Variants in PLPPR5 observed in about 807,000 individuals in gnomAD.
The protein encoded by PLPPR5 is phospholipid phosphatase related 5.
In PLPPR5, 16 loss-of-function variants were observed where a neutral mutation model predicts 33.9. The ratio of observed to expected loss-of-function variants is 0.47; its 90% CI spans 0.32 to 0.72. The LOEUF (loss-of-function observed/expected upper bound fraction) is 0.72. Ranked by LOEUF, PLPPR5 falls within the 30% of genes least tolerant of loss-of-function variation. The probability of loss-of-function intolerance (pLI) is 0.03; values close to 1 mark genes in which losing one functional copy is unlikely to be tolerated. For synonymous variants in PLPPR5, 163 were observed against 150.3 expected, an observed-to-expected ratio of 1.08 and a Z score of -0.62; for missense variants, 301 against 406.7, an observed-to-expected ratio of 0.74 and a Z score of 2.23.
rs995293273 is a variant in PLPPR5, at chr1:98,891,544, A to G, written c.*1528T>C. 1 of 152,006 alleles carries G rather than the reference A, an allele frequency of 6.6e-6. No homozygotes were observed. The highest frequency in any genetic ancestry group is 1.9e-4 in the East Asian group (1 of 5,188). The allele number at this position is 152,006 out of a possible 1,614,324, so 9.4% of individuals were successfully genotyped here. A position where few individuals can be genotyped will look rare whatever the true frequency, so the allele number is the denominator to read the frequency against. On this transcript the variant is annotated 3_prime_UTR_variant, in exon 6 of 6. Transcript: ENST00000263177. ...ATTGTAATCTGGAATTCTACATGCT[A>G]AATGTAAGGTATGTCCCTTGGGCAC... is the stretch of plus-strand genomic sequence containing the variant.
Position 99,004,603 on chromosome 1 carries a change from C to A in PLPPR5, c.69G>T (p.Thr23=), listed in dbSNP as rs1425601698. The change falls in exon 1 of 6, where the codon ACG becomes ACT. Residue 23 remains threonine (T), a synonymous_variant. Transcript: ENST00000263177. ...ACTCGAAGTAGTACGCCAGCATCAC[C>A]GTCCCTGCCATGATCACCATCTGGA... ...LYFQMVIMAG[T]VMLAYYFEYT... 5 of 1,613,080 alleles carry A rather than the reference C, an allele frequency of 3.1e-6. No homozygotes were observed. The highest frequency in any genetic ancestry group is 4.2e-6 in the Non-Finnish European group (5 of 1,179,810).
chr1:98,993,806 A>G (rs1398072585), intron 1 of PLPPR5, among the ~76,000 whole-genome samples: 1 of 152,090 alleles, frequency 6.6e-6, no homozygotes, highest in Non-Finnish European at 1.5e-5. Context: ...TATGAAATGG[A>G]TATTAGAAAG....
chr1:98,901,499 G>A (rs1648693008), intron 5 of PLPPR5, among the ~76,000 whole-genome samples: 2 of 152,072 alleles, frequency 1.3e-5, no homozygotes, highest in Admixed American at 1.3e-4. Context: ...GACATAACAT[G>A]AAGTCTAAAG....
At chr1:98,894,958 A>AC (rs376776102) in intron 5 of PLPPR5, among the ~76,000 whole-genome samples, 24 of 152,204 alleles carry the variant, frequency 1.6e-4, no homozygotes, top group African/African-American at 5.3e-4. Context: ...CTGTAGGGTG[A>AC]CCATATAATT....
chr1:98,911,275 G>A (rs1649136515), intron 5 of PLPPR5, among the ~76,000 whole-genome samples: 1 of 152,174 alleles, frequency 6.6e-6, no homozygotes, highest in South Asian at 2.1e-4. Flanking sequence ...TAGTGAGTAA[G>A]GGGGAAACCA....
chr1:98,957,585 T>C (rs1467615865), intron 1 of PLPPR5, among the ~76,000 whole-genome samples: 1 of 152,076 alleles, frequency 6.6e-6, no homozygotes, highest in Non-Finnish European at 1.5e-5. Flanking sequence ...GATACACACA[T>C]ACTAATTTAA....
Position 98,959,887 on chromosome 1 carries a change from G to A in PLPPR5, c.238-3146C>T, listed in dbSNP as rs72730367. ...AAACAGAGAGTTGCTGTCATTAGAC[G>A]CCGATGTCAAATGCCTGTCCATCAC... On this transcript the variant is annotated intron_variant, in intron 1 of 5. Coordinates refer to ENST00000263177, the MANE Select transcript of PLPPR5 (RefSeq NM_001037317.2). Among the ~76,000 whole-genome samples the A allele has an allele frequency of 3.3e-5, 5 of 152,176 alleles. No homozygotes were observed. In the East Asian group the frequency reaches 7.7e-4, roughly 24 times the overall value.
At chr1:98,964,298 G>A (rs75112685) in intron 1 of PLPPR5, among the ~76,000 whole-genome samples, 433 of 152,298 alleles carry the variant, frequency 2.8e-3, no homozygotes, top group Non-Finnish European at 4.5e-3. Flanking sequence ...GATCGACTGA[G>A]AAGCAGCAGG....
At chr1:98,993,488 A>G (rs1652528839) in intron 1 of PLPPR5, among the ~76,000 whole-genome samples, 1 of 152,272 alleles carries the variant, frequency 6.6e-6, no homozygotes, top group African/African-American at 2.4e-5. Flanking sequence ...AGATTGTCAT[A>G]TAGTTTTGAC....
intron 1 of PLPPR5, among the ~76,000 whole-genome samples, chr1:98,980,624 G>A (rs1454308529): frequency 2.6e-5 from 4 of 151,970 alleles, no homozygotes; most frequent in Non-Finnish European, 2.9e-5. Context: ...GTGTTTTTCT[G>A]AAAGAACTGC....
chr1:98,892,831 C>A lies in PLPPR5; in HGVS notation c.*241G>T. Reference sequence around the variant, plus strand: ...ATTTGGTCATCACATTTTTGTTGAACACCTACTTTGTGCTAGGCTTTGTTG... The same window carrying A: ...ATTTGGTCATCACATTTTTGTTGAAAACCTACTTTGTGCTAGGCTTTGTTG... On this transcript the variant is annotated 3_prime_UTR_variant, in exon 6 of 6. Transcript: ENST00000263177. 2.6e-6 allele frequency: 1 copy of A among 383,860 alleles called. No homozygotes were observed. The allele number at this position is 383,860 out of a possible 1,614,324, so 23.8% of individuals were successfully genotyped here.
rs1305066543 is a variant in PLPPR5 at position 98,892,849 on chromosome 1, C to T, written c.*223G>A. 3 of 467,726 alleles carry T rather than the reference C, an allele frequency of 6.4e-6. No individual in the cohort carries two copies. The highest frequency in any genetic ancestry group is 2.1e-5 in the African/African-American group (1 of 48,582). The allele number at this position is 467,726 out of a possible 1,614,324, so 29.0% of individuals were successfully genotyped here. On this transcript the variant is annotated 3_prime_UTR_variant, in exon 6 of 6. Transcript: ENST00000263177. Reference sequence around the variant, plus strand: ...TGTTGAACACCTACTTTGTGCTAGGCTTTGTTGTAAGTGCTGGGGACACAG... The same window carrying T: ...TGTTGAACACCTACTTTGTGCTAGGTTTTGTTGTAAGTGCTGGGGACACAG...
intron 5 of PLPPR5, among the ~76,000 whole-genome samples, chr1:98,904,561 T>C (rs1232562835): frequency 6.6e-6 from 1 of 152,176 alleles, no homozygotes; most frequent in Admixed American, 6.6e-5. Context: ...TTTTTCTCTA[T>C]ATTTTCTATA....
chr1:98,997,135 T>C (rs966122305), intron 1 of PLPPR5, among the ~76,000 whole-genome samples: 2 of 152,106 alleles, frequency 1.3e-5, no homozygotes, highest in African/African-American at 2.4e-5. Flanking sequence ...ATAAAAATTA[T>C]TAGCATTTAT....
intron 2 of PLPPR5, among the ~76,000 whole-genome samples, chr1:98,954,795 A>T (rs1650941221): frequency 6.6e-6 from 1 of 152,056 alleles, no homozygotes; most frequent in Non-Finnish European, 1.5e-5. Context: ...GCTCAATAAA[A>T]CTTCTTCCAA....
At chr1:98,905,850 T>C (rs1169392566) in intron 5 of PLPPR5, among the ~76,000 whole-genome samples, 1 of 152,196 alleles carries the variant, frequency 6.6e-6, no homozygotes, top group Non-Finnish European at 1.5e-5. Flanking sequence ...GCATAGCTGA[T>C]ATTTTATGGT....
chr1:98,972,436 C>T (rs1055302799), intron 1 of PLPPR5, among the ~76,000 whole-genome samples: 1 of 152,026 alleles, frequency 6.6e-6, no homozygotes, highest in African/African-American at 2.4e-5. Context: ...TAATTATAAT[C>T]TCCCCGTATG....
intron 1 of PLPPR5, among the ~76,000 whole-genome samples, chr1:98,983,906 G>C (rs1306822760): frequency 6.7e-6 from 1 of 148,726 alleles, no homozygotes; most frequent in Non-Finnish European, 1.5e-5. Context: ...AGAAGTGTCT[G>C]TTCATGTCCT....
intron 5 of PLPPR5, among the ~76,000 whole-genome samples, chr1:98,896,232 C>T (rs17390223): frequency 0.15 from 23,287 of 152,046 alleles, 2,173 homozygotes; most frequent in Non-Finnish European, 0.21. Flanking sequence ...TGTCTATTCA[C>T]TTCCCAGCAG....
Sources: gnomAD v4.1 joint callset for allele counts (sites outside exome capture counted in the v4.1 genomes callset) on GRCh38, gnomAD v4.1.1 for gene constraint, MANE v1.5 for transcripts, NCBI Gene and HGNC (gene_info 2026-07-23, HGNC 2026-07-21) for gene names.